OSBPL3: variants seen among roughly 807,000 people sequenced by gnomAD.
OSBPL3 encodes the protein oxysterol-binding protein-related protein 3.
In OSBPL3, 65 loss-of-function variants were observed where a neutral mutation model predicts 120.1. That is an observed-to-expected ratio of 0.54 (90% CI 0.44 to 0.67). The LOEUF (loss-of-function observed/expected upper bound fraction) is 0.67. OSBPL3 is among the 30% of genes least tolerant of loss of function. The pLI is 0.00. For missense variants in OSBPL3, 1,004 were observed against 1,082.1 expected (o/e 0.93, Z 1.01); for synonymous variants, 416 against 402.6 (o/e 1.03, Z -0.40).
At position 24,894,089 on chromosome 7, in the gene OSBPL3, T is replaced by C. The variant is rs544850262; in HGVS notation, c.-149-1468A>G. On this transcript the variant is annotated intron_variant, in intron 1 of 22. Coordinates refer to ENST00000313367, the MANE Select transcript of OSBPL3 (RefSeq NM_015550.4). The surrounding 1 kb of genome is among the most constrained non-coding windows in gnomAD (Gnocchi z 4.1). ...TTTGTCTAGGAACCAGCTAGTTAAC[T>C]ATGATATCAAACCTGGCTAATTATC... is the stretch of plus-strand genomic sequence containing the variant. Among the ~76,000 whole-genome samples the C allele has an allele frequency of 2.6e-5, 4 of 152,214 alleles. No homozygotes were observed. Among genetic ancestry groups the C allele is most frequent in the Non-Finnish European group, 5.9e-5 (4 of 68,040 alleles).
rs564952074 is a variant in OSBPL3 at position 24,862,888 on chromosome 7, G to A, written c.870+312C>T. Among the ~76,000 whole-genome samples the A allele has an allele frequency of 6.6e-6, 1 of 152,262 alleles. No homozygotes were observed. Among genetic ancestry groups the A allele is most frequent in the East Asian group, 1.9e-4 (1 of 5,172 alleles). On this transcript the variant is annotated intron_variant, in intron 9 of 22. Transcript: ENST00000313367. This position sits in a 1 kb window ranked among gnomAD's most constrained non-coding sequence, Gnocchi z 4.4. The stretch of plus-strand genomic sequence containing the variant: ...AAAACAAGGCACAAACACAAGCAGG[G>A]AAGAGCACAGGCAGGCTCAACAGTG...
At chr7:24,944,623 C>A (rs1813498420) in intron 1 of OSBPL3, among the ~76,000 whole-genome samples, 1 of 107,672 alleles carries the variant, frequency 9.3e-6, no homozygotes, top group South Asian at 2.6e-4. Context: ...GAGCGAGACT[C>A]CAAAAAAAAA....
At chr7:24,977,268 G>C (rs932559206) in intron 1 of OSBPL3, among the ~76,000 whole-genome samples, 3 of 152,060 alleles carry the variant, frequency 2.0e-5, no homozygotes, top group African/African-American at 4.8e-5. Flanking sequence ...ATAAACCCAA[G>C]CACAAAAATC....
chr7:24,799,564 T>G lies in OSBPL3; in HGVS notation c.*619A>C, dbSNP rs1392589091. ...GGGAGGAACAAGTTCAAATGCTTCC[T>G]TTTCAAGAAGGTGCCGTATACGTCT... On this transcript the variant is annotated 3_prime_UTR_variant, in exon 23 of 23. Transcript: ENST00000313367. This position sits in a 1 kb window ranked among gnomAD's most constrained non-coding sequence, Gnocchi z 5.3. The G allele has an allele frequency of 6.6e-6, 1 of 152,280 alleles. No homozygotes were observed. Among genetic ancestry groups the G allele is most frequent in the African/African-American group, 2.4e-5 (1 of 41,476 alleles). The allele number at this position is 152,280 out of a possible 1,614,324, so 9.4% of individuals were successfully genotyped here. A position where few individuals can be genotyped will look rare whatever the true frequency, so the allele number is the denominator to read the frequency against.
chr7:24,839,183 T>C (rs1584318161), intron 14 of OSBPL3, among the ~76,000 whole-genome samples: 1 of 152,138 alleles, frequency 6.6e-6, no homozygotes, highest in African/African-American at 2.4e-5. Context: ...GATATGAAAA[T>C]AGGTGGTGCT....
intron 2 of OSBPL3, among the ~76,000 whole-genome samples, chr7:24,880,981 A>G (rs1399868968): frequency 6.6e-6 from 1 of 152,152 alleles, no homozygotes; most frequent in Non-Finnish European, 1.5e-5. Flanking sequence ...AGAATCACAG[A>G]CTCTGCACTC....
chr7:24,907,912 T>A (rs1808182745), intron 1 of OSBPL3, among the ~76,000 whole-genome samples: 1 of 152,236 alleles, frequency 6.6e-6, no homozygotes, highest in Non-Finnish European at 1.5e-5. Context: ...CTGGTAGCAA[T>A]CTTTGTTGAG....
At position 24,883,124 on chromosome 7, in the gene OSBPL3, C is replaced by T. The variant is rs1803968439; in HGVS notation, c.96+9253G>A. Among the ~76,000 whole-genome samples, 1 of 152,140 alleles carries T rather than the reference C, an allele frequency of 6.6e-6. No homozygotes were observed. Among genetic ancestry groups the T allele is most frequent in the Non-Finnish European group, 1.5e-5 (1 of 68,028 alleles). On this transcript the variant is annotated intron_variant, in intron 2 of 22. Transcript: ENST00000313367. This position sits in a 1 kb window ranked among gnomAD's most constrained non-coding sequence, Gnocchi z 5.4. Reference sequence around the variant, plus strand: ...TTATGATTCAGCTCACTACACAGGGCCCCAGGGACCACGGGGCCAAGATGT... The same window carrying T: ...TTATGATTCAGCTCACTACACAGGGTCCCAGGGACCACGGGGCCAAGATGT...
intron 1 of OSBPL3, among the ~76,000 whole-genome samples, chr7:24,950,694 C>T (rs547918901): frequency 6.2e-4 from 95 of 152,344 alleles, no homozygotes; most frequent in Non-Finnish European, 1.1e-3. Context: ...TGCACTCCAG[C>T]CTGGGCAACA....
At position 24,970,386 on chromosome 7, in the gene OSBPL3, G is replaced by A. The variant is rs140970211; in HGVS notation, c.-150+9500C>T. Among the ~76,000 whole-genome samples the A allele has an allele frequency of 4.9e-3, 740 of 152,266 alleles. 23 individuals are homozygous for A. Among genetic ancestry groups the A allele is most frequent in the Admixed American group, 0.041 (633 of 15,290 alleles). ...CTCTCAAAGTGCTGGGATTATAGGC[G>A]TGAGCCATCGCACTCAGCCCCTTCA... On this transcript the variant is annotated intron_variant, in intron 1 of 22. Coordinates refer to ENST00000313367, the MANE Select transcript of OSBPL3 (RefSeq NM_015550.4).
At position 24,854,502 on chromosome 7, in the gene OSBPL3, G is replaced by GCA. The variant is rs70942889; in HGVS notation, c.1028-1870_1028-1869dup. 0.077 allele frequency among the ~76,000 whole-genome samples: 10,147 copies of GCA among 131,476 alleles called. 352 individuals carry two copies. The highest frequency in any genetic ancestry group is 0.096 in the Middle Eastern group (23 of 240). 86.3% of individuals were successfully genotyped at this position (131,476 alleles called of 152,430 possible). A position where few individuals can be genotyped will look rare whatever the true frequency, so the allele number is the denominator to read the frequency against. On this transcript the variant is annotated intron_variant, in intron 10 of 22. Coordinates refer to ENST00000313367, the MANE Select transcript of OSBPL3 (RefSeq NM_015550.4). The surrounding 1 kb of genome is among the most constrained non-coding windows in gnomAD (Gnocchi z 4.1). The stretch of plus-strand genomic sequence containing the variant: ...CACAACAATTTGTACACACACACAC[G>GCA]CACACACACACACACACACACACAC...
intron 6 of OSBPL3, among the ~76,000 whole-genome samples, chr7:24,865,716 A>G: frequency 6.6e-6 from 1 of 152,366 alleles, no homozygotes; most frequent in South Asian, 2.1e-4. Context: ...CATCAAAATA[A>G]TAATATAAAT....
chr7:24,903,592 T>A lies in OSBPL3; in HGVS notation c.-149-10971A>T, dbSNP rs553976112. Among the ~76,000 whole-genome samples, 24 of 152,322 alleles carry A rather than the reference T, an allele frequency of 1.6e-4. No homozygotes were observed. The South Asian group carries it at 2.3e-3, about 14-fold the overall frequency. On this transcript the variant is annotated intron_variant, in intron 1 of 22. Transcript: ENST00000313367. ...CCTTGTTCACAAGGGTATCACCAAA[T>A]AGATATGTTGATGAATACCTCAAGC...
At chr7:24,973,870 T>C (rs761366207) in intron 1 of OSBPL3, among the ~76,000 whole-genome samples, 15 of 152,120 alleles carry the variant, frequency 9.9e-5, no homozygotes, top group Admixed American at 2.6e-4. Flanking sequence ...TGATGAAAAA[T>C]TTCAAACATG....
chr7:24,975,611 C>G (rs73691288), intron 1 of OSBPL3, among the ~76,000 whole-genome samples: 22 of 152,222 alleles, frequency 1.4e-4, no homozygotes, highest in African/African-American at 5.1e-4. Context: ...TACACACTCA[C>G]CCTGCCTTCA....
rs1265561146 is a variant in OSBPL3 at position 24,953,471 on chromosome 7, T to C, written c.-150+26415A>G. ...AAAAAAGTATTACGTATCTGCTGAA[T>C]TGTAATCAGACTTGAATAATCATCT... On this transcript the variant is annotated intron_variant, in intron 1 of 22. Transcript: ENST00000313367. The surrounding 1 kb of genome is among the most constrained non-coding windows in gnomAD (Gnocchi z 4.3). Among the ~76,000 whole-genome samples the C allele has an allele frequency of 6.6e-6, 1 of 152,242 alleles. No individual in the cohort carries two copies. Among genetic ancestry groups the C allele is most frequent in the African/African-American group, 2.4e-5 (1 of 41,462 alleles).
Position 24,865,327 on chromosome 7 carries a change from T to C in OSBPL3, c.673+15A>G. On this transcript the variant is annotated intron_variant, in intron 7 of 22. Transcript: ENST00000313367. ...AATAGCCACAACAGAAAGCAGACGT[T>C]TCAAGTCACTCTACCTTTGGAGCAT... 1 of 1,613,318 alleles carries C rather than the reference T, an allele frequency of 6.2e-7. No homozygotes were observed. Among genetic ancestry groups the C allele is most frequent in the South Asian group, 1.1e-5 (1 of 90,936 alleles).
chr7:24,864,297 A>G (rs1801001214), intron 7 of OSBPL3, among the ~76,000 whole-genome samples: 1 of 152,220 alleles, frequency 6.6e-6, no homozygotes, highest in Admixed American at 6.5e-5. Context: ...GCCTTAGGCT[A>G]GAGGCTCTCA....
intron 16 of OSBPL3, among the ~76,000 whole-genome samples, chr7:24,825,721 G>A (rs929152378): frequency 2.0e-5 from 3 of 152,208 alleles, no homozygotes; most frequent in Non-Finnish European, 4.4e-5. Flanking sequence ...GAGTGTGCAA[G>A]GAGGAAGTGA....
Sources: allele counts gnomAD v4.1 joint callset (sites outside exome capture counted in the v4.1 genomes callset), GRCh38; gene constraint gnomAD v4.1.1; non-coding constraint Gnocchi (gnomAD v3.1); transcripts MANE v1.5; gene names NCBI Gene and HGNC (gene_info 2026-07-23, HGNC 2026-07-21).